Variants in ZNF292 observed in about 807,000 individuals in gnomAD.
The protein encoded by ZNF292 is zinc finger protein 292, also known as 16 zinc-finger domain protein.
In ZNF292, 26 loss-of-function variants were observed where a neutral mutation model predicts 217.9. That is an observed-to-expected ratio of 0.12 (90% CI 0.09 to 0.17). The LOEUF is 0.17. Among genes scored for constraint, ZNF292 ranks in the 10% least tolerant of loss-of-function variants. The pLI, the probability that ZNF292 is intolerant of heterozygous loss-of-function variation, is 1.00. For synonymous variants in ZNF292, 1,257 were observed against 1,124.1 expected (o/e 1.12, Z -2.37); for missense variants, 2,904 against 3,175.2 (o/e 0.91, Z 2.05).
At chr6:87,239,714 G>A (rs1201160961) in intron 5 of ZNF292, among the ~76,000 whole-genome samples, 1 of 136,336 alleles carries the variant, frequency 7.3e-6, no homozygotes, top group Non-Finnish European at 1.5e-5. Flanking sequence ...CTCCCAGACG[G>A]GGTCGCGGCT....
rs968471707 is a variant in ZNF292, at chr6:87,263,917, G to A, written c.*2116G>A. ...GTTAAGTGAAAATGCCAATGTATTG[G>A]GGCTTTTCTTTTGCTCATTAGCTTA... On this transcript the variant is annotated 3_prime_UTR_variant, in exon 8 of 8. Transcript: ENST00000369577. The A allele has an allele frequency of 6.6e-6, 1 of 152,104 alleles. No homozygotes were observed. The highest frequency in any genetic ancestry group is 2.4e-5 in the African/African-American group (1 of 41,514). The allele number at this position is 152,104 out of a possible 1,614,324, so 9.4% of individuals were successfully genotyped here. A position where few individuals can be genotyped will look rare whatever the true frequency, so the allele number is the denominator to read the frequency against.
intron 1 of ZNF292, among the ~76,000 whole-genome samples, chr6:87,176,151 T>C (rs753628463): frequency 1.3e-5 from 2 of 152,216 alleles, no homozygotes; most frequent in African/African-American, 2.4e-5. Flanking sequence ...GAGTCACCTT[T>C]AACAGACTAC....
rs555341861 is a variant in ZNF292 at position 87,262,841 on chromosome 6, G to A, written c.*1040G>A. On this transcript the variant is annotated 3_prime_UTR_variant, in exon 8 of 8. Coordinates refer to ENST00000369577, the MANE Select transcript of ZNF292 (RefSeq NM_015021.3). Reference sequence around the variant, plus strand: ...ATAGCTTTAAACTGTATAAAGTTTTGTGGAAAGATTTTTTTAAACATTTTT... The same window carrying A: ...ATAGCTTTAAACTGTATAAAGTTTTATGGAAAGATTTTTTTAAACATTTTT... 1 of 152,048 alleles carries A rather than the reference G, an allele frequency of 6.6e-6. No homozygotes were observed. Among genetic ancestry groups the A allele is most frequent in the Non-Finnish European group, 1.5e-5 (1 of 67,864 alleles). 9.4% of individuals were successfully genotyped at this position (152,048 alleles called of 1,614,324 possible). A position where few individuals can be genotyped will look rare whatever the true frequency, so the allele number is the denominator to read the frequency against.
In ZNF292 at chr6:87,260,589, C is replaced by T; in HGVS notation, c.6960C>T (p.His2320=). The part of the protein sequence containing the change: ...KSKSKHRGTK[H]SRCGKEGIKM... ...AGTCTAAACATCGGGGGACCAAGCA[C>T]AGCAGATGTGGAAAGGAAGGAATAA... The change falls in exon 8 of 8, where the codon CAC becomes CAT. Residue 2320 remains histidine, a synonymous_variant. Transcript: ENST00000369577. 1.2e-6 allele frequency: 2 copies of T among 1,612,758 alleles called. No individual in the cohort carries two copies. The highest frequency in any genetic ancestry group is 8.5e-7 in the Non-Finnish European group (1 of 1,179,604).
At chr6:87,184,269 C>T (rs192759555) in intron 1 of ZNF292, among the ~76,000 whole-genome samples, 39 of 152,284 alleles carry the variant, frequency 2.6e-4, no homozygotes, top group Admixed American at 4.6e-4. Flanking sequence ...CTACTTTTTG[C>T]CTGCATTTTC....
chr6:87,192,529 C>T (rs1474485960), intron 1 of ZNF292, among the ~76,000 whole-genome samples: 1 of 152,112 alleles, frequency 6.6e-6, no homozygotes, highest in Admixed American at 6.5e-5. Context: ...GGACACTCTT[C>T]CACATACCCA....
At chr6:87,247,171 TAAA>T (rs540303408) in intron 7 of ZNF292, among the ~76,000 whole-genome samples, 3 of 133,930 alleles carry the variant, frequency 2.2e-5, no homozygotes, top group African/African-American at 2.7e-5. Context: ...GACTTGGTCT[TAAA>T]AAAAAAAAAA....
At chr6:87,241,868 A>G (rs907681200) in intron 5 of ZNF292, among the ~76,000 whole-genome samples, 1 of 152,236 alleles carries the variant, frequency 6.6e-6, no homozygotes, top group African/African-American at 2.4e-5. Flanking sequence ...GTACACATTC[A>G]GTAAGTTTCT....
chr6:87,248,296 A>G (rs183888918), intron 7 of ZNF292, among the ~76,000 whole-genome samples: 6 of 152,352 alleles, frequency 3.9e-5, no homozygotes, highest in Non-Finnish European at 7.3e-5. Context: ...GTCATTGGTC[A>G]GTAAGTCTTA....
chr6:87,244,066 C>T (rs1473784835), intron 6 of ZNF292, among the ~76,000 whole-genome samples: 1 of 152,086 alleles, frequency 6.6e-6, no homozygotes, highest in African/African-American at 2.4e-5. Flanking sequence ...GCTTAGCTAA[C>T]ACTGACAATT....
At chr6:87,233,611 CTT>C in intron 5 of ZNF292, 84 bp downstream of exon 5, 1 of 1,531,794 alleles carries the variant, frequency 6.5e-7, no homozygotes, top group Non-Finnish European at 8.8e-7. Flanking sequence ...TTCCTTTTCT[CTT>C]AGATAGCGAA....
intron 1 of ZNF292, among the ~76,000 whole-genome samples, chr6:87,166,734 G>A (rs1196202761): frequency 6.6e-6 from 1 of 152,110 alleles, no homozygotes; most frequent in Non-Finnish European, 1.5e-5. Context: ...AGCTTTGTCA[G>A]TTTTGGTTAG....
At chr6:87,240,300 C>T (rs569210191) in intron 5 of ZNF292, among the ~76,000 whole-genome samples, 2 of 138,796 alleles carry the variant, frequency 1.4e-5, no homozygotes, top group African/African-American at 2.7e-5. Flanking sequence ...GAGATGGTGG[C>T]AGTACAGTCC....
At chr6:87,163,511 TCTA>T (rs1770820647) in intron 1 of ZNF292, among the ~76,000 whole-genome samples, 1 of 152,172 alleles carries the variant, frequency 6.6e-6, no homozygotes, top group Admixed American at 6.6e-5. Flanking sequence ...TTTGATTTAT[TCTA>T]ATCAGATGTT....
At chr6:87,192,073 T>A (rs1044156658) in intron 1 of ZNF292, among the ~76,000 whole-genome samples, 1 of 152,224 alleles carries the variant, frequency 6.6e-6, no homozygotes, top group African/African-American at 2.4e-5. Context: ...TAGAAATGAT[T>A]AAAGATTCAC....
In ZNF292 at chr6:87,245,576, C is replaced by T. The variant is rs546063923; in HGVS notation, c.952C>T (p.Arg318Cys). Reference protein sequence around the residue: ...PSIQVYLERCRQLSLLTKTVY... With the variant: ...PSIQVYLERCCQLSLLTKTVY... ...TATACAAGTGTACCTTGAGAGGTGTCGTCAACTTTCTTTGTTAACGAAAAC... is the reference window on the plus strand; with the variant it reads ...TATACAAGTGTACCTTGAGAGGTGTTGTCAACTTTCTTTGTTAACGAAAAC... Residue 318 changes from arginine (R) to cysteine (C), a missense_variant, in exon 7 of 8, where the codon CGT becomes TGT. Physicochemically the swap from Arg to Cys is radical, Grantham distance 180. Coordinates refer to ENST00000369577, the MANE Select transcript of ZNF292 (RefSeq NM_015021.3). 19 of 1,563,974 alleles carry T rather than the reference C, an allele frequency of 1.2e-5. No individual in the cohort carries two copies. The Admixed American group carries it at 2.6e-4, about 21-fold the overall frequency.
intron 1 of ZNF292, among the ~76,000 whole-genome samples, chr6:87,156,085 G>A (rs549486504): frequency 1.3e-5 from 2 of 152,354 alleles, no homozygotes; most frequent in South Asian, 2.1e-4. Flanking sequence ...GAGAATGGAG[G>A]CCAGGTTCTC....
At chr6:87,166,453 T>C (rs891650313) in intron 1 of ZNF292, among the ~76,000 whole-genome samples, 1 of 152,178 alleles carries the variant, frequency 6.6e-6, no homozygotes, top group Non-Finnish European at 1.5e-5. Context: ...CACCTACCCA[T>C]AGAGGGTAGT....
intron 1 of ZNF292, among the ~76,000 whole-genome samples, chr6:87,193,049 A>G (rs1046250857): frequency 2.0e-5 from 3 of 152,160 alleles, no homozygotes; most frequent in African/African-American, 7.2e-5. Flanking sequence ...CTGGAGTGCA[A>G]TGGCAACTCG....
Sources: allele counts gnomAD v4.1 joint callset (sites outside exome capture counted in the v4.1 genomes callset), GRCh38; gene constraint gnomAD v4.1.1; transcripts MANE v1.5; gene names NCBI Gene and HGNC (gene_info 2026-07-23, HGNC 2026-07-21).